PTK2: variants seen among roughly 807,000 people sequenced by gnomAD.
PTK2 encodes the protein protein tyrosine kinase 2.
PTK2 carries 45 observed loss-of-function variants against 150.1 expected under a neutral mutation model. The observed-to-expected ratio is 0.30, with a 90% confidence interval of 0.24 to 0.38. The LOEUF (loss-of-function observed/expected upper bound fraction) is 0.38, where lower values mean the gene tolerates loss of function less well. Ranked by LOEUF, PTK2 falls within the 10% of genes least tolerant of loss-of-function variation. PTK2 has a pLI of 1.00. For missense variants in PTK2, 919 were observed against 1,307.3 expected, an observed-to-expected ratio of 0.70 and a Z score of 4.58; for synonymous variants, 432 against 449.2, an observed-to-expected ratio of 0.96 and a Z score of 0.48.
rs886713077 is a variant in PTK2, at chr8:140,964,537, G to A, written c.-122+36588C>T. On this transcript the variant is annotated intron_variant, in intron 1 of 31. Coordinates refer to ENST00000522684, the Ensembl canonical transcript of PTK2. ...GGACCACAGGTGGGCACCACCCCCA[G>A]CCCCAGGTAATTTTTTTTTTTTTTT... Among the ~76,000 whole-genome samples, 31 of 143,486 alleles carry A rather than the reference G, an allele frequency of 2.2e-4. No individual in the cohort carries two copies. The East Asian group carries it at 2.5e-3, about 12-fold the overall frequency. The allele number at this position is 143,486 out of a possible 152,430, so 94.1% of individuals were successfully genotyped here.
chr8:140,785,117 T>C (rs1423351356), intron 14 of PTK2, among the ~76,000 whole-genome samples: 2 of 152,168 alleles, frequency 1.3e-5, no homozygotes, highest in Non-Finnish European at 2.9e-5. Flanking sequence ...TCTAGAACCA[T>C]TTATAATGAT....
At chr8:140,755,434 A>T (rs944427548) in intron 16 of PTK2, among the ~76,000 whole-genome samples, 4 of 152,008 alleles carry the variant, frequency 2.6e-5, no homozygotes, top group African/African-American at 9.7e-5. Flanking sequence ...CTCCGCGGCC[A>T]CACCGTCCTC....
Position 140,700,753 on chromosome 8 carries a change from T to TTTAA in PTK2, c.2499+137_2499+138insTTAA, listed in dbSNP as rs2100029755. 4 of 1,175,006 alleles carry TTTAA rather than the reference T, an allele frequency of 3.4e-6. No individual in the cohort carries two copies. The South Asian group carries it at 4.5e-5, about 13-fold the overall frequency. The allele number at this position is 1,175,006 out of a possible 1,614,324, so 72.8% of individuals were successfully genotyped here. A position where few individuals can be genotyped will look rare whatever the true frequency, so the allele number is the denominator to read the frequency against. On this transcript the variant is annotated intron_variant, in intron 26 of 31. Coordinates refer to ENST00000522684, the Ensembl canonical transcript of PTK2. ...AGCCTCCCAAATAGGCCACCATGCC[T>TTTAA]GGCCTATTCCAAGTTTTAAGAAGTA...
intron 8 of PTK2, among the ~76,000 whole-genome samples, chr8:140,824,612 A>G (rs774785768): frequency 7.2e-5 from 11 of 152,324 alleles, no homozygotes; most frequent in Non-Finnish European, 1.6e-4. Flanking sequence ...CAGAAACTAG[A>G]AAATCTCTGC....
intron 10 of PTK2, among the ~76,000 whole-genome samples, chr8:140,806,238 G>C (rs970517152): frequency 6.6e-6 from 1 of 152,186 alleles, no homozygotes; most frequent in African/African-American, 2.4e-5. Context: ...TACGCGTAAT[G>C]CAAGGGAATC....
At chr8:140,965,508 T>A (rs764035891) in intron 1 of PTK2, among the ~76,000 whole-genome samples, 1 of 152,166 alleles carries the variant, frequency 6.6e-6, no homozygotes, top group Non-Finnish European at 1.5e-5. Context: ...CCCAAAGGAA[T>A]CTTGTGGTGA....
chr8:140,675,340 TG>T, intron 28 of PTK2, 119 bp downstream of exon 31: 1 of 1,041,058 alleles, frequency 9.6e-7, no homozygotes, highest in Non-Finnish European at 1.5e-6. Flanking sequence ...GTACTTGCTG[TG>T]GTCTGTAGAG....
chr8:140,769,969 C>G (rs1390149375), intron 14 of PTK2, among the ~76,000 whole-genome samples: 1 of 152,128 alleles, frequency 6.6e-6, no homozygotes, highest in Non-Finnish European at 1.5e-5. Context: ...TGTGTCCCCT[C>G]AGATAAAAAT....
chr8:140,822,864 A>G (rs767938797), intron 8 of PTK2, among the ~76,000 whole-genome samples: 1 of 152,202 alleles, frequency 6.6e-6, no homozygotes, highest in Non-Finnish European at 1.5e-5. Flanking sequence ...TCTCAAACAG[A>G]TAATATGGAT....
chr8:140,846,274 G>A (rs1478663801), exon 7 of PTK2: 1 of 1,611,100 alleles, frequency 6.2e-7, no homozygotes, highest in Non-Finnish European at 8.5e-7. Flanking sequence ...ATACTTCATA[G>A]TTAGACTTCT....
intron 3 of PTK2, 49 bp from the exon 4 acceptor site, chr8:140,879,686 A>C: frequency 7.9e-7 from 1 of 1,263,276 alleles, no homozygotes; most frequent in Non-Finnish European, 1.0e-6. Context: ...GAAAAAAAAA[A>C]AAAAAAAAAA....
At chr8:140,955,583 G>A (rs764175430) in intron 1 of PTK2, among the ~76,000 whole-genome samples, 3 of 152,126 alleles carry the variant, frequency 2.0e-5, no homozygotes, top group African/African-American at 4.8e-5. Flanking sequence ...AGAAATGAAA[G>A]AAAAAGTAAC....
intron 8 of PTK2, among the ~76,000 whole-genome samples, chr8:140,824,119 A>C (rs1360109922): frequency 6.6e-6 from 1 of 152,150 alleles, no homozygotes; most frequent in East Asian, 1.9e-4. Context: ...CTCATCCCAA[A>C]CTCTTAGACA....
At position 140,678,125 on chromosome 8, in the gene PTK2, C is replaced by A. The variant is rs1431684973; in HGVS notation, c.2563-2626G>T. Among the ~76,000 whole-genome samples, 4 of 152,310 alleles carry A rather than the reference C, an allele frequency of 2.6e-5. No individual in the cohort carries two copies. In the East Asian group the frequency reaches 7.7e-4, roughly 29 times the overall value. On this transcript the variant is annotated intron_variant, in intron 27 of 31. Transcript: ENST00000522684. ...GTAGTGGCACAATCTTGGCTCACTG[C>A]AACCTCTGCAGCCCAGGTTCAAGTG... is the stretch of plus-strand genomic sequence containing the variant.
exon 27 of PTK2, chr8:140,686,687 T>A (rs1001847937): frequency 3.1e-6 from 5 of 1,613,478 alleles, no homozygotes; most frequent in Non-Finnish European, 4.2e-6. Context: ...GAGTCTCACA[T>A]CAGGTTTCTG....
intron 1 of PTK2, among the ~76,000 whole-genome samples, chr8:141,000,087 T>TCACTCACA (rs1555522724): frequency 2.5e-5 from 2 of 81,608 alleles, no homozygotes; most frequent in African/African-American, 1.4e-4. Context: ...TGAAACCAAT[T>TCACTCACA]CACACACACA....
intron 27 of PTK2, among the ~76,000 whole-genome samples, chr8:140,678,338 G>A (rs1200531214): frequency 6.6e-6 from 1 of 151,630 alleles, no homozygotes; most frequent in Non-Finnish European, 1.5e-5. Context: ...GTGAGCCACT[G>A]CGCCTGGCCC....
chr8:140,783,172 T>G (rs1189512358), intron 14 of PTK2, among the ~76,000 whole-genome samples: 3 of 152,016 alleles, frequency 2.0e-5, no homozygotes, highest in African/African-American at 7.3e-5. Context: ...GCCCAGGAGG[T>G]TGAGCTGCAG....
intron 2 of PTK2, among the ~76,000 whole-genome samples, chr8:140,893,925 T>C (rs1175508581): frequency 6.6e-6 from 1 of 152,218 alleles, no homozygotes; most frequent in African/African-American, 2.4e-5. Flanking sequence ...GTGAATTTTC[T>C]ATAGTATGTA....
Sources: allele counts gnomAD v4.1 joint callset (sites outside exome capture counted in the v4.1 genomes callset), GRCh38; gene constraint gnomAD v4.1.1; transcripts MANE v1.5; gene names NCBI Gene and HGNC (gene_info 2026-07-23, HGNC 2026-07-21).